PCDHGA5: variants seen among roughly 807,000 people sequenced by gnomAD.
PCDHGA5 encodes the protein protocadherin gamma subfamily A, 5.
In PCDHGA5, 36 loss-of-function variants were observed where a neutral mutation model predicts 56.7. That is an observed-to-expected ratio of 0.64 (90% CI 0.49 to 0.84). The LOEUF (loss-of-function observed/expected upper bound fraction) is 0.84. PCDHGA5 is among the 40% of genes least tolerant of loss of function. The pLI is 0.00. For synonymous variants in PCDHGA5, 563 were observed against 520.2 expected, an observed-to-expected ratio of 1.08 and a Z score of -1.12; for missense variants, 1,305 against 1,201.5, an observed-to-expected ratio of 1.09 and a Z score of -1.27.
chr5:141,466,496 GCA>G (rs2099123596), intron 1 of PCDHGA5, among the ~76,000 whole-genome samples: 1 of 152,120 alleles, frequency 6.6e-6, no homozygotes. Context: ...TTTAATTAGA[GCA>G]CAGACAAGAT....
intron 3 of PCDHGA5, among the ~76,000 whole-genome samples, chr5:141,509,353 C>A (rs2099876446): frequency 6.6e-6 from 1 of 152,170 alleles, no homozygotes; most frequent in Non-Finnish European, 1.5e-5. Context: ...CTGGCCTGGG[C>A]ATCCCTGAGG....
At chr5:141,464,312 C>T (rs2099081610) in intron 1 of PCDHGA5, among the ~76,000 whole-genome samples, 1 of 149,056 alleles carries the variant, frequency 6.7e-6, no homozygotes, top group South Asian at 2.1e-4. Flanking sequence ...GTGCACATAT[C>T]ATTATCTGTT....
At position 141,395,545 on chromosome 5, in the gene PCDHGA5, TGTG is replaced by T. The variant is rs1561655187; in HGVS notation, c.2421+28795_2421+28797del. The T allele has an allele frequency of 2.9e-4, 51 of 177,126 alleles. 1 individual carries two copies. The highest frequency in any genetic ancestry group is 1.2e-3 in the African/African-American group (46 of 38,988). 11.0% of individuals were successfully genotyped at this position (177,126 alleles called of 1,614,324 possible). A position where few individuals can be genotyped will look rare whatever the true frequency, so the allele number is the denominator to read the frequency against. ...ATACTGGTAATTTTGCTATTGTTTG[TGTG>T]TGTGTGTGTGTGTGTGTGTGTGTGT... is the stretch of plus-strand genomic sequence containing the variant. On this transcript the variant is annotated intron_variant, in intron 1 of 3. Coordinates refer to ENST00000518069, the MANE Select transcript of PCDHGA5 (RefSeq NM_018918.3).
At chr5:141,507,121 G>A (rs940889204) in intron 3 of PCDHGA5, 1 of 152,126 alleles carries the variant, frequency 6.6e-6, no homozygotes, top group African/African-American at 2.4e-5. Flanking sequence ...GGCTGCCTTT[G>A]GATCCAGCCT....
chr5:141,371,367 G>A (rs778491308), intron 1 of PCDHGA5: 3 of 1,613,892 alleles, frequency 1.9e-6, no homozygotes, highest in Non-Finnish European at 1.7e-6. Flanking sequence ...AAAGGATGGT[G>A]GACATCACAC....
chr5:141,416,441 T>C (rs2096024396), intron 1 of PCDHGA5: 1 of 152,162 alleles, frequency 6.6e-6, no homozygotes, highest in Non-Finnish European at 1.5e-5. Flanking sequence ...TGAAAGTAAA[T>C]ATGGGTTGGG....
Position 141,384,980 on chromosome 5 carries a change from T to A in PCDHGA5, c.2421+18229T>A, listed in dbSNP as rs772144829. The A allele has an allele frequency of 1.1e-5, 18 of 1,614,040 alleles. No individual in the cohort carries two copies. In the South Asian group the frequency reaches 1.6e-4, roughly 15 times the overall value. On this transcript the variant is annotated intron_variant, in intron 1 of 3. Coordinates refer to ENST00000518069, the MANE Select transcript of PCDHGA5 (RefSeq NM_018918.3). Reference sequence around the variant, plus strand: ...AACTATGACCTCACGTTGTACCTGGTGGTGGCGGTGGCCACAGTCTCCTGC... The same window carrying A: ...AACTATGACCTCACGTTGTACCTGGAGGTGGCGGTGGCCACAGTCTCCTGC...
intron 1 of PCDHGA5, chr5:141,426,496 G>A: frequency 3.0e-6 from 1 of 337,022 alleles, no homozygotes; most frequent in South Asian, 2.4e-5. Flanking sequence ...AGTTAGTGCA[G>A]AGAAACAATA....
At chr5:141,495,007 G>A in intron 2 of PCDHGA5, 142 bp downstream of exon 2, 4 of 1,522,158 alleles carry the variant, frequency 2.6e-6, no homozygotes, top group Non-Finnish European at 3.5e-6. Context: ...TTGGTGTGCG[G>A]GGGGCTGGCA....
chr5:141,492,386 G>C (rs1343104703), intron 1 of PCDHGA5, among the ~76,000 whole-genome samples: 1 of 152,202 alleles, frequency 6.6e-6, no homozygotes, highest in African/African-American at 2.4e-5. Context: ...GCCTGTTCCG[G>C]TCCACTCGCA....
At chr5:141,399,304 T>C (rs756847972) in intron 1 of PCDHGA5, 1 of 1,613,956 alleles carries the variant, frequency 6.2e-7, no homozygotes, top group Admixed American at 1.7e-5. Context: ...GATTATCTCT[T>C]CATCCAAAAA....
chr5:141,478,532 G>T, intron 1 of PCDHGA5: 1 of 1,607,858 alleles, frequency 6.2e-7, no homozygotes, highest in East Asian at 2.2e-5. Flanking sequence ...TGCAGAGAGC[G>T]CCCCTCCCGG....
intron 1 of PCDHGA5, chr5:141,375,182 G>C: frequency 6.2e-7 from 1 of 1,613,936 alleles, no homozygotes; most frequent in Non-Finnish European, 8.5e-7. Context: ...AACAGTAATC[G>C]CCCTTTTTCA....
chr5:141,410,090 C>G (rs369832481), intron 1 of PCDHGA5: 3 of 1,612,358 alleles, frequency 1.9e-6, no homozygotes, highest in South Asian at 2.2e-5. Context: ...GCGCACGGCT[C>G]GAGCCTTAGG....
intron 1 of PCDHGA5, among the ~76,000 whole-genome samples, chr5:141,457,674 A>G (rs577008886): frequency 2.9e-4 from 44 of 152,256 alleles, no homozygotes; most frequent in South Asian, 2.1e-4. Flanking sequence ...GGTTATTTCT[A>G]CATAGGACTT....
chr5:141,500,184 T>TTTTATTTA (rs58019021), intron 2 of PCDHGA5, among the ~76,000 whole-genome samples: 1,392 of 135,954 alleles, frequency 0.01, 12 homozygotes, highest in South Asian at 0.02. Flanking sequence ...TCATTTTTAT[T>TTTTATTTA]TTTATTTATT....
Position 141,490,973 on chromosome 5 carries a change from G to A in PCDHGA5, c.2422-3834G>A, listed in dbSNP as rs774983500. 5.0e-6 allele frequency: 8 copies of A among 1,613,932 alleles called. No homozygotes were observed. The highest frequency in any genetic ancestry group is 2.2e-5 in the East Asian group (1 of 44,878). On this transcript the variant is annotated intron_variant, in intron 1 of 3. Transcript: ENST00000518069. The surrounding 1 kb of genome is among the most constrained non-coding windows in gnomAD (Gnocchi z 5.4). ...GACTGGGAACACTCAGCCCCCCAGC[G>A]TCTCCCTCGCTCTGCTCCTCCTGGC...
At chr5:141,443,631 T>C (rs541727440) in intron 1 of PCDHGA5, among the ~76,000 whole-genome samples, 1 of 152,332 alleles carries the variant, frequency 6.6e-6, no homozygotes, top group South Asian at 2.1e-4. Context: ...ATTGTAAAAA[T>C]TGATCCAGAT....
chr5:141,419,999 C>T (rs369649545), intron 1 of PCDHGA5: 4 of 1,613,960 alleles, frequency 2.5e-6, no homozygotes, highest in Non-Finnish European at 3.4e-6. Flanking sequence ...TATTGCTCTA[C>T]GCCTGCGACA....
Sources: gnomAD v4.1 joint callset for allele counts (sites outside exome capture counted in the v4.1 genomes callset) on GRCh38, gnomAD v4.1.1 for gene constraint, Gnocchi (gnomAD v3.1) non-coding constraint, MANE v1.5 for transcripts, NCBI Gene and HGNC (gene_info 2026-07-23, HGNC 2026-07-21) for gene names.